XIRP2: variants seen among roughly 807,000 people sequenced by gnomAD.
XIRP2 encodes xin actin-binding repeat-containing protein 2.
XIRP2 carries 236 observed loss-of-function variants against 277.0 expected under a neutral mutation model. The ratio of observed to expected loss-of-function variants is 0.85; its 90% CI spans 0.77 to 0.95. The LOEUF is 0.95. Among genes scored for constraint, XIRP2 ranks in the 40% least tolerant of loss-of-function variants. The pLI is 0.00. For missense variants in XIRP2, 4,640 were observed against 4,157.5 expected, an observed-to-expected ratio of 1.12 and a Z score of -3.19; for synonymous variants, 1,490 against 1,416.5, an observed-to-expected ratio of 1.05 and a Z score of -1.17.
intron 4 of XIRP2, among the ~76,000 whole-genome samples, chr2:167,211,464 CA>C (rs1559022567): frequency 6.6e-6 from 1 of 152,198 alleles, no homozygotes; most frequent in Non-Finnish European, 1.5e-5. Context: ...CATCATTTAT[CA>C]CACAGAGTCT....
At chr2:167,224,300 C>G (rs935288310) in intron 5 of XIRP2, among the ~76,000 whole-genome samples, 1 of 152,134 alleles carries the variant, frequency 6.6e-6, no homozygotes, top group African/African-American at 2.4e-5. Context: ...GTGGTGTGAT[C>G]TCAGCTCACT....
chr2:167,102,119 G>A (rs150607919), intron 2 of XIRP2, among the ~76,000 whole-genome samples: 2 of 152,290 alleles, frequency 1.3e-5, no homozygotes, highest in East Asian at 3.9e-4. Context: ...AAGGTAAGTG[G>A]TTGCCCTAGA....
At chr2:167,176,286 C>T (rs1412221176) in intron 3 of XIRP2, among the ~76,000 whole-genome samples, 2 of 151,604 alleles carry the variant, frequency 1.3e-5, no homozygotes, top group African/African-American at 4.9e-5. Context: ...ACACTTCCCA[C>T]GTGAGGCAAT....
In XIRP2 at chr2:167,250,884, A is replaced by T; in HGVS notation, c.9492A>T (p.Glu3164Asp). ...GAAGGCCCATGTCGCAAAAATCTGA[A>T]ATTCACAGAGCAAACACTTCCCCTT... ...PPRRPMSQKS[E>D]IHRANTSPSP... Residue 3164 changes from glutamate (E) to aspartate (D), a missense_variant, in exon 9 of 11, where the codon GAA becomes GAT. Glu to Asp is a conservative substitution (Grantham distance 45). Coordinates refer to ENST00000409195, the MANE Select transcript of XIRP2 (RefSeq NM_152381.6). 1.2e-6 allele frequency: 2 copies of T among 1,612,990 alleles called. No individual in the cohort carries two copies. Among genetic ancestry groups the T allele is most frequent in the Non-Finnish European group, 1.7e-6 (2 of 1,179,560 alleles).
intron 3 of XIRP2, among the ~76,000 whole-genome samples, chr2:167,145,232 T>C (rs751289740): frequency 6.6e-6 from 1 of 152,198 alleles, no homozygotes; most frequent in Admixed American, 6.5e-5. Context: ...ACTCTTGTTA[T>C]CTACAATTCC....
chr2:167,119,075 T>A (rs914750428), intron 2 of XIRP2, among the ~76,000 whole-genome samples: 1 of 152,090 alleles, frequency 6.6e-6, no homozygotes, highest in African/African-American at 2.4e-5. Flanking sequence ...CGTGGCAAGA[T>A]CAATGTCAGA....
chr2:167,041,181 C>G (rs1408379616), intron 2 of XIRP2, among the ~76,000 whole-genome samples: 3 of 152,130 alleles, frequency 2.0e-5, no homozygotes, highest in Non-Finnish European at 4.4e-5. Context: ...ATCATCCGGA[C>G]AGTAACTTCA....
intron 2 of XIRP2, among the ~76,000 whole-genome samples, chr2:167,027,123 C>T (rs1309561574): frequency 2.0e-5 from 3 of 152,108 alleles, no homozygotes; most frequent in Non-Finnish European, 4.4e-5. Context: ...CCATTCTCTC[C>T]GTCACTCTCA....
intron 2 of XIRP2, among the ~76,000 whole-genome samples, chr2:167,070,992 C>T (rs1689424184): frequency 6.6e-6 from 1 of 152,158 alleles, no homozygotes; most frequent in Non-Finnish European, 1.5e-5. Context: ...ACTATTATCA[C>T]TGATATTTTA....
chr2:167,151,173 C>T (rs1692005100), intron 3 of XIRP2, among the ~76,000 whole-genome samples: 1 of 152,180 alleles, frequency 6.6e-6, no homozygotes, highest in South Asian at 2.1e-4. Flanking sequence ...TATTGGGTCC[C>T]AGTTACCACA....
chr2:166,984,843 G>A (rs937546069), intron 2 of XIRP2, among the ~76,000 whole-genome samples: 1 of 152,220 alleles, frequency 6.6e-6, no homozygotes, highest in African/African-American at 2.4e-5. Flanking sequence ...TTAGGCAGAT[G>A]CCAGGGCACT....
intron 2 of XIRP2, among the ~76,000 whole-genome samples, chr2:166,983,621 C>T (rs937724657): frequency 5.3e-5 from 8 of 152,272 alleles, no homozygotes; most frequent in African/African-American, 1.4e-4. Flanking sequence ...GTAGTCTTGA[C>T]TTCATGCTTT....
At chr2:167,076,657 G>A (rs1430251255) in intron 2 of XIRP2, among the ~76,000 whole-genome samples, 1 of 152,100 alleles carries the variant, frequency 6.6e-6, no homozygotes, top group Non-Finnish European at 1.5e-5. Flanking sequence ...CAGACTGACT[G>A]GTCTATGTGA....
chr2:167,104,646 T>G (rs540360170), intron 2 of XIRP2, among the ~76,000 whole-genome samples: 1 of 152,220 alleles, frequency 6.6e-6, no homozygotes, highest in African/African-American at 2.4e-5. Flanking sequence ...TAAAATCTAG[T>G]TAAATATTGT....
chr2:167,083,833 A>C (rs1051808630), intron 2 of XIRP2, among the ~76,000 whole-genome samples: 7 of 151,952 alleles, frequency 4.6e-5, no homozygotes, highest in Non-Finnish European at 8.8e-5. Context: ...GCTTAAGGAG[A>C]TTTTGGGCTG....
intron 1 of XIRP2, among the ~76,000 whole-genome samples, chr2:166,894,730 A>G (rs552162805): frequency 5.3e-4 from 81 of 152,324 alleles, no homozygotes; most frequent in Admixed American, 2.6e-3. Context: ...GAAGCGAAGG[A>G]TAAACTACTG....
chr2:167,072,475 C>T (rs769698459), intron 2 of XIRP2, among the ~76,000 whole-genome samples: 92 of 152,040 alleles, frequency 6.1e-4, no homozygotes, highest in Non-Finnish European at 1.2e-3. Context: ...CCCCTTGATC[C>T]GCTGGTGTTC....
chr2:167,081,708 T>C (rs2105262548), intron 2 of XIRP2, among the ~76,000 whole-genome samples: 1 of 152,296 alleles, frequency 6.6e-6, no homozygotes, highest in Admixed American at 6.5e-5. Context: ...TCCTTTAACT[T>C]ACAGTTAAAC....
chr2:166,922,836 A>T (rs1169626661), intron 2 of XIRP2, among the ~76,000 whole-genome samples: 4 of 145,464 alleles, frequency 2.7e-5, no homozygotes, highest in South Asian at 2.1e-4. Context: ...TTTTTTTTTT[A>T]AAGAAAGGTA....
Sources: gnomAD v4.1 joint callset for allele counts (sites outside exome capture counted in the v4.1 genomes callset) on GRCh38, gnomAD v4.1.1 for gene constraint, MANE v1.5 for transcripts, NCBI Gene and HGNC (gene_info 2026-07-23, HGNC 2026-07-21) for gene names.